The following NTM variants were observed in gnomAD, a reference collection of about 807,000 sequenced individuals.
NTM encodes neurotrimin.
Under a neutral mutation model 42.1 loss-of-function variants are expected in NTM, and 13 were observed. That is an observed-to-expected ratio of 0.31 (90% CI 0.20 to 0.49). NTM has a LOEUF of 0.49. Among genes scored for constraint, NTM ranks in the 20% least tolerant of loss-of-function variants. The pLI is 0.99. For missense variants in NTM, 373 were observed against 452.8 expected (o/e 0.82, Z 1.60); for synonymous variants, 187 against 179.2 (o/e 1.04, Z -0.35).
rs1491169801 is a variant in NTM, at chr11:131,688,266, A to AG, written c.83-223292dup. On this transcript the variant is annotated intron_variant, in intron 1 of 8. Coordinates refer to ENST00000683400, the MANE Select transcript of NTM (RefSeq NM_001352005.2). ...GGGCCCCTCTCAGCGGACTCCAGAC[A>AG]GGGGGGAAAGCAGCTTGCCCGTCCT... Among the ~76,000 whole-genome samples the AG allele has an allele frequency of 3.9e-5, 6 of 152,134 alleles. No homozygotes were observed. The South Asian group carries it at 6.2e-4, about 16-fold the overall frequency.
At chr11:131,612,332 C>T (rs995215743) in intron 1 of NTM, among the ~76,000 whole-genome samples, 1 of 152,252 alleles carries the variant, frequency 6.6e-6, no homozygotes, top group Non-Finnish European at 1.5e-5. Context: ...AGCAAAGTGT[C>T]ATGGTAGCTT....
At chr11:131,638,715 C>A (rs1459053629) in intron 1 of NTM, among the ~76,000 whole-genome samples, 1 of 151,972 alleles carries the variant, frequency 6.6e-6, no homozygotes, top group East Asian at 1.9e-4. Context: ...ATAACGATAG[C>A]ATTCTGAAAA....
At chr11:132,035,457 A>G (rs2076396058) in intron 2 of NTM, among the ~76,000 whole-genome samples, 1 of 152,248 alleles carries the variant, frequency 6.6e-6, no homozygotes, top group African/African-American at 2.4e-5. Context: ...GATCCACCAC[A>G]CAGAATTTCT....
rs147237850 is a variant in NTM at position 131,420,194 on chromosome 11, G to A, written c.82+49306G>A. Among the ~76,000 whole-genome samples the A allele has an allele frequency of 3.9e-5, 6 of 152,294 alleles. No individual in the cohort carries two copies. The East Asian group carries it at 1.2e-3, about 29-fold the overall frequency. ...CTGATGTGGTTAAGAATCCTCAGAT[G>A]GGGAGTTATCCTGGATTATCCAGAT... On this transcript the variant is annotated intron_variant, in intron 1 of 8. Transcript: ENST00000683400.
chr11:131,465,319 C>T (rs1591748389), intron 1 of NTM, among the ~76,000 whole-genome samples: 1 of 152,206 alleles, frequency 6.6e-6, no homozygotes, highest in African/African-American at 2.4e-5. Flanking sequence ...ACACACGTAC[C>T]ATAGCCCATT....
intron 7 of NTM, among the ~76,000 whole-genome samples, chr11:132,320,567 A>C (rs944206154): frequency 3.9e-4 from 59 of 152,324 alleles, no homozygotes; most frequent in Non-Finnish European, 6.9e-4. Flanking sequence ...GCAGTCTGAC[A>C]TCAAACTGCA....
intron 1 of NTM, among the ~76,000 whole-genome samples, chr11:131,580,567 A>G (rs1044920592): frequency 1.3e-5 from 2 of 152,184 alleles, no homozygotes; most frequent in South Asian, 2.1e-4. Context: ...CTGAGAACCC[A>G]CAGAACTGTC....
At chr11:132,034,844 G>A (rs187777087) in intron 2 of NTM, among the ~76,000 whole-genome samples, 3 of 152,146 alleles carry the variant, frequency 2.0e-5, no homozygotes, top group Non-Finnish European at 2.9e-5. Context: ...TGACCTAGTT[G>A]CTAAATCCCT....
At chr11:132,301,988 AG>A (rs1371412318) in intron 4 of NTM, among the ~76,000 whole-genome samples, 1 of 152,194 alleles carries the variant, frequency 6.6e-6, no homozygotes, top group Non-Finnish European at 1.5e-5. Flanking sequence ...TCAGTTATAA[AG>A]ATTTTTAATG....
intron 3 of NTM, among the ~76,000 whole-genome samples, chr11:132,179,382 G>C (rs1416781312): frequency 6.6e-6 from 1 of 152,158 alleles, no homozygotes; most frequent in Non-Finnish European, 1.5e-5. Flanking sequence ...AGTGAATAAT[G>C]GTTGAAAGAT....
At chr11:131,701,307 G>A (rs572188414) in intron 1 of NTM, among the ~76,000 whole-genome samples, 48 of 152,296 alleles carry the variant, frequency 3.2e-4, no homozygotes, top group Non-Finnish European at 6.9e-4. Flanking sequence ...GCCATTGCCA[G>A]GAATAAATGA....
intron 3 of NTM, among the ~76,000 whole-genome samples, chr11:132,181,216 C>A (rs1003935573): frequency 2.0e-5 from 3 of 152,298 alleles, no homozygotes; most frequent in East Asian, 3.9e-4. Flanking sequence ...ATCTCAGTTT[C>A]TTTTCTTTAT....
chr11:131,910,404 G>T (rs2054551706), intron 1 of NTM, among the ~76,000 whole-genome samples: 1 of 151,850 alleles, frequency 6.6e-6, no homozygotes, highest in South Asian at 2.1e-4. Context: ...TAAACTCCTG[G>T]CCTGGGCTGG....
At chr11:131,401,541 T>C (rs1194900252) in intron 1 of NTM, among the ~76,000 whole-genome samples, 2 of 151,746 alleles carry the variant, frequency 1.3e-5, no homozygotes, top group Non-Finnish European at 2.9e-5. Context: ...AGTAAAGACA[T>C]GATTTTAATT....
chr11:132,219,185 A>G (rs568530649), intron 4 of NTM, among the ~76,000 whole-genome samples: 12 of 152,146 alleles, frequency 7.9e-5, no homozygotes, highest in African/African-American at 2.6e-4. Context: ...TTGTTTCAAG[A>G]CCATACTCAA....
intron 1 of NTM, among the ~76,000 whole-genome samples, chr11:131,571,359 C>A (rs750913920): frequency 6.6e-6 from 1 of 152,156 alleles, no homozygotes; most frequent in Non-Finnish European, 1.5e-5. Flanking sequence ...TAACACGAAT[C>A]CCCAAAATCC....
intron 2 of NTM, among the ~76,000 whole-genome samples, chr11:131,938,480 C>T (rs991578595): frequency 1.2e-4 from 18 of 152,170 alleles, no homozygotes; most frequent in East Asian, 1.2e-3. Context: ...GATGAGGTCA[C>T]GGAGGTGGGC....
At chr11:131,399,237 G>A (rs1458168545) in intron 1 of NTM, among the ~76,000 whole-genome samples, 1 of 152,168 alleles carries the variant, frequency 6.6e-6, no homozygotes, top group Non-Finnish European at 1.5e-5. Context: ...TGGGTCCATA[G>A]TTATCTCCCT....
At chr11:131,766,662 T>C (rs562191832) in intron 1 of NTM, among the ~76,000 whole-genome samples, 13 of 152,306 alleles carry the variant, frequency 8.5e-5, no homozygotes, top group African/African-American at 1.7e-4. Flanking sequence ...CCACCTGTCC[T>C]TGAGTTATTA....
Sources: gnomAD v4.1 joint callset for allele counts (sites outside exome capture counted in the v4.1 genomes callset) on GRCh38, gnomAD v4.1.1 for gene constraint, MANE v1.5 for transcripts, NCBI Gene and HGNC (gene_info 2026-07-23, HGNC 2026-07-21) for gene names.